The following ZNF33A variants were observed in gnomAD, a reference collection of about 807,000 sequenced individuals.
The protein encoded by ZNF33A is zinc finger protein 33A, also known as brain my041 protein.
In ZNF33A, 9 loss-of-function variants were observed where a neutral mutation model predicts 15.9. The ratio of observed to expected loss-of-function variants is 0.57; its 90% CI spans 0.34 to 0.99. The LOEUF (loss-of-function observed/expected upper bound fraction) is 0.99. Among genes scored for constraint, ZNF33A ranks in the 50% least tolerant of loss-of-function variants. The pLI is 0.02. For synonymous variants in ZNF33A, 294 were observed against 324.2 expected, an observed-to-expected ratio of 0.91 and a Z score of 1.00; for missense variants, 843 against 941.6, an observed-to-expected ratio of 0.90 and a Z score of 1.37.
downstream of ZNF33A, among the ~76,000 whole-genome samples, chr10:38,063,694 A>C (rs959721568): frequency 7.2e-5 from 11 of 152,208 alleles, no homozygotes; most frequent in African/African-American, 2.7e-4. Context: ...GCTAAGATGC[A>C]AACTCTTTGT....
downstream of ZNF33A, among the ~76,000 whole-genome samples, chr10:38,065,650 A>G (rs1227479956): frequency 1.3e-5 from 2 of 150,534 alleles, no homozygotes; most frequent in African/African-American, 4.9e-5. Context: ...CTTCCGCACC[A>G]CCAACTCCAG....
Position 38,057,736 on chromosome 10 carries a change from A to G in ZNF33A, c.*1176A>G. Reference sequence around the variant, plus strand: ...GCTCATGCCATGCCATGAAGTGCCTAGGGTACATATGTGAACATTCCAGCC... The same window carrying G: ...GCTCATGCCATGCCATGAAGTGCCTGGGGTACATATGTGAACATTCCAGCC... On this transcript the variant is annotated 3_prime_UTR_variant, in exon 5 of 5. Coordinates refer to ENST00000432900, the MANE Select transcript of ZNF33A (RefSeq NM_006954.2). The G allele has an allele frequency of 1.0e-6, 1 of 985,476 alleles. No individual in the cohort carries two copies. The highest frequency in any genetic ancestry group is 1.2e-6 in the Non-Finnish European group (1 of 829,964). The allele number at this position is 985,476 out of a possible 1,614,324, so 61.0% of individuals were successfully genotyped here.
intron 4 of ZNF33A, among the ~76,000 whole-genome samples, chr10:38,043,414 G>A (rs1343166315): frequency 6.6e-6 from 1 of 151,202 alleles, no homozygotes; most frequent in Non-Finnish European, 1.5e-5. Context: ...GAGTTAATGG[G>A]TGCAGCACAC....
At chr10:38,067,033 G>A (rs560242381), downstream of ZNF33A, among the ~76,000 whole-genome samples, 17 of 152,294 alleles carry the variant, frequency 1.1e-4, no homozygotes, top group African/African-American at 4.1e-4. Context: ...TAAAGAACAA[G>A]CATTCTGAGC....
intron 4 of ZNF33A, among the ~76,000 whole-genome samples, chr10:38,035,344 C>T (rs970285862): frequency 1.3e-5 from 2 of 151,982 alleles, no homozygotes; most frequent in East Asian, 1.9e-4. Context: ...TCTCGAACTC[C>T]TGATCTTAGG....
intron 4 of ZNF33A, among the ~76,000 whole-genome samples, chr10:38,036,171 G>A (rs1351881366): frequency 6.6e-6 from 1 of 152,116 alleles, no homozygotes; most frequent in Non-Finnish European, 1.5e-5. Context: ...CGGGTACGTT[G>A]GCTTATGCTT....
chr10:38,046,449 A>C (rs7069687), intron 4 of ZNF33A, among the ~76,000 whole-genome samples: 1,590 of 152,294 alleles, frequency 0.01, 32 homozygotes, highest in African/African-American at 0.036. Flanking sequence ...AATGTGCCCC[A>C]AACTGAGCAC....
intron 4 of ZNF33A, among the ~76,000 whole-genome samples, chr10:38,041,578 G>T (rs150501343): frequency 0.011 from 1,691 of 151,968 alleles, 35 homozygotes; most frequent in African/African-American, 0.038. Context: ...TACATTGTAT[G>T]CAGGCTGAGC....
chr10:38,026,655 C>G (rs188204044), intron 4 of ZNF33A, among the ~76,000 whole-genome samples: 28 of 152,266 alleles, frequency 1.8e-4, no homozygotes, highest in African/African-American at 6.7e-4. Flanking sequence ...TTTTGTTGCT[C>G]GTGCATTTTA....
At position 38,055,306 on chromosome 10, in the gene ZNF33A, T is replaced by A. The variant is rs780796240; in HGVS notation, c.1182T>A (p.Phe394Leu). 1 of 1,613,992 alleles carries A rather than the reference T, an allele frequency of 6.2e-7. No homozygotes were observed. The highest frequency in any genetic ancestry group is 8.5e-7 in the Non-Finnish European group (1 of 1,179,946). ...AATGCAATGAATGTGGGAAAGCCTTTAGCCATAAGTCAGCCCTCACATTAC... is the reference window on the plus strand; with the variant it reads ...AATGCAATGAATGTGGGAAAGCCTTAAGCCATAAGTCAGCCCTCACATTAC... ...PFECNECGKA[F>L]SHKSALTLHQ... Residue 394 changes from phenylalanine (F) to leucine (L), a missense_variant, in exon 5 of 5, where the codon TTT becomes TTA. By Grantham distance (22) the Phe-to-Leu change is conservative (BLOSUM62 0). Coordinates refer to ENST00000432900, the MANE Select transcript of ZNF33A (RefSeq NM_006954.2).
rs1394010765 is a variant in ZNF33A, at chr10:38,059,554, A to G, written c.*2994A>G. 1 of 152,254 alleles carries G rather than the reference A, an allele frequency of 6.6e-6. No homozygotes were observed. The highest frequency in any genetic ancestry group is 2.4e-5 in the African/African-American group (1 of 41,464). 9.4% of individuals were successfully genotyped at this position (152,254 alleles called of 1,614,324 possible). ...ATAAAAAGGAATTGGACATCAAGTC[A>G]TTAAAAGACACGGAGAAACCCTAAA... On this transcript the variant is annotated 3_prime_UTR_variant, in exon 5 of 5. Transcript: ENST00000432900.
At chr10:38,050,715 T>C (rs755068335) in intron 4 of ZNF33A, among the ~76,000 whole-genome samples, 11 of 152,196 alleles carry the variant, frequency 7.2e-5, no homozygotes, top group Non-Finnish European at 1.2e-4. Context: ...GGACCCACAG[T>C]GTGAGGCTGG....
chr10:38,017,639 C>G (rs1374860893), intron 4 of ZNF33A: 1 of 259,284 alleles, frequency 3.9e-6, no homozygotes, highest in Non-Finnish European at 7.3e-6. Flanking sequence ...TTGCCCACCT[C>G]AACTTTACTG....
At chr10:38,034,927 A>G (rs1327624775) in intron 4 of ZNF33A, among the ~76,000 whole-genome samples, 2 of 152,052 alleles carry the variant, frequency 1.3e-5, no homozygotes, top group African/African-American at 4.8e-5. Flanking sequence ...CATGTAATAT[A>G]CTTATAAATA....
At chr10:38,063,059 C>CTGGAAGTAAACAG (rs1264996154), downstream of ZNF33A, among the ~76,000 whole-genome samples, 2 of 142,836 alleles carry the variant, frequency 1.4e-5, no homozygotes, top group Non-Finnish European at 3.0e-5. Context: ...TGCCGGTCAT[C>CTGGAAGTAAACAG]TGGAAGTAAA....
At chr10:38,067,242 T>TA, downstream of ZNF33A, among the ~76,000 whole-genome samples, 1 of 145,594 alleles carries the variant, frequency 6.9e-6, no homozygotes, top group Middle Eastern at 3.2e-3. Context: ...ATAGGGGTCT[T>TA]ACTTTCAGTT....
At chr10:38,018,091 C>G (rs2064551047) in intron 4 of ZNF33A, among the ~76,000 whole-genome samples, 1 of 152,064 alleles carries the variant, frequency 6.6e-6, no homozygotes, top group South Asian at 2.1e-4. Flanking sequence ...GAGACTTTGT[C>G]TCAAAAATAA....
chr10:38,067,661 C>T (rs1234223369), downstream of ZNF33A, among the ~76,000 whole-genome samples: 1 of 152,088 alleles, frequency 6.6e-6, no homozygotes, highest in African/African-American at 2.4e-5. Flanking sequence ...TAACTGGGTG[C>T]AGGGCATTAC....
chr10:38,022,268 A>G (rs1400268431), intron 4 of ZNF33A, among the ~76,000 whole-genome samples: 1 of 152,188 alleles, frequency 6.6e-6, no homozygotes, highest in African/African-American at 2.4e-5. Context: ...TGAGATGACA[A>G]ATCATCAATA....
Sources: allele counts gnomAD v4.1 joint callset (sites outside exome capture counted in the v4.1 genomes callset), GRCh38; gene constraint gnomAD v4.1.1; transcripts MANE v1.5; gene names NCBI Gene and HGNC (gene_info 2026-07-23, HGNC 2026-07-21).